The following SREK1 variants were observed in gnomAD, a reference collection of about 807,000 sequenced individuals.
SREK1 encodes the protein splicing regulatory glutamic acid and lysine rich protein 1.
In SREK1, 13 loss-of-function variants were observed where a neutral mutation model predicts 66.5. The ratio of observed to expected loss-of-function variants is 0.20; its 90% confidence interval spans 0.13 to 0.31. SREK1 has a LOEUF of 0.31. Among genes scored for constraint, SREK1 ranks in the 10% least tolerant of loss-of-function variants. The probability of loss-of-function intolerance (pLI) is 1.00; values close to 1 mark genes in which losing one functional copy is unlikely to be tolerated. For missense variants in SREK1, 607 were observed against 769.6 expected (o/e 0.79, Z 2.50); for synonymous variants, 265 against 263.5 (o/e 1.01, Z -0.05).
At chr5:66,178,556 G>T (rs770290207) in intron 11 of SREK1, among the ~76,000 whole-genome samples, 163 bp from the exon 12 acceptor site, 1 of 152,022 alleles carries the variant, frequency 6.6e-6, no homozygotes, top group Non-Finnish European at 1.5e-5. Context: ...AACACAAAGG[G>T]GAAATTGATA....
At chr5:66,168,011 C>T (rs1342554521) in intron 7 of SREK1, 6 of 151,868 alleles carry the variant, frequency 4.0e-5, no homozygotes, top group Non-Finnish European at 8.8e-5. Flanking sequence ...ATAAAGATTT[C>T]AGCAAGCTAT....
intron 1 of SREK1, among the ~76,000 whole-genome samples, chr5:66,147,226 T>A (rs547210589): frequency 6.6e-6 from 1 of 152,330 alleles, no homozygotes; most frequent in South Asian, 2.1e-4. Flanking sequence ...TAAGAATTCT[T>A]ATTTGTAGTT....
intron 1 of SREK1, among the ~76,000 whole-genome samples, chr5:66,147,789 C>T (rs910130028): frequency 9.9e-5 from 15 of 152,070 alleles, no homozygotes; most frequent in Non-Finnish European, 1.2e-4. Flanking sequence ...TTTTCACATG[C>T]GTTAATAAAT....
intron 7 of SREK1, chr5:66,167,352 T>C (rs1449903946): frequency 6.6e-6 from 1 of 152,218 alleles, no homozygotes; most frequent in Admixed American, 6.5e-5. Flanking sequence ...GTAACCTTTA[T>C]AGATTAGAAC....
intron 6 of SREK1, chr5:66,164,195 C>A: frequency 2.9e-6 from 1 of 343,406 alleles, no homozygotes; most frequent in South Asian, 4.2e-5. Flanking sequence ...TTGCTGAAAG[C>A]AAAAATGTTA....
rs557709888 is a variant in SREK1, at chr5:66,179,068, T to C, written c.*200T>C. ...ATGGACATCATGAAAATAACAGATG[T>C]TACCCAAACTCATCTTCTAAAATCT... On this transcript the variant is annotated 3_prime_UTR_variant, in exon 12 of 12. Coordinates refer to ENST00000334121, the MANE Select transcript of SREK1 (RefSeq NM_001077199.3). The C allele has an allele frequency of 3.0e-4, 135 of 451,474 alleles. 1 individual carries two copies. The South Asian group carries it at 8.4e-3, about 28-fold the overall frequency. 28.0% of individuals were successfully genotyped at this position (451,474 alleles called of 1,614,324 possible).
At chr5:66,144,916 C>T (rs1040059065) in intron 1 of SREK1, 22 of 996,040 alleles carry the variant, frequency 2.2e-5, no homozygotes, top group Non-Finnish European at 2.4e-5. Flanking sequence ...TTTTTCCACT[C>T]TGAAAATCGC....
At chr5:66,156,203 G>A in intron 2 of SREK1, 1 of 1,277,904 alleles carries the variant, frequency 7.8e-7, no homozygotes, top group Non-Finnish European at 9.9e-7. Flanking sequence ...TGGACGCCCT[G>A]TCTCTGTTTT....
In SREK1 at chr5:66,171,879, CAGGCCTGGGAGAAGATT is replaced by C. The variant is rs200417906; in HGVS notation, c.1484+934_1484+950del. On this transcript the variant is annotated intron_variant, in intron 9 of 11. Coordinates refer to ENST00000334121, the MANE Select transcript of SREK1 (RefSeq NM_001077199.3). ...GTCTCACCTTATTTAATCCTCACAA[CAGGCCTGGGAGAAGATT>C]ATTATCATCACTGTTTTAAAACATG... 4.2e-3 allele frequency among the ~76,000 whole-genome samples: 634 copies of C among 152,270 alleles called. 4 individuals are homozygous for C. Among genetic ancestry groups the C allele is most frequent in the African/African-American group, 0.015 (618 of 41,548 alleles).
In SREK1 at chr5:66,180,746, G is replaced by C. The variant is rs77120402; in HGVS notation, c.*1878G>C. On this transcript the variant is annotated 3_prime_UTR_variant, in exon 12 of 12. Transcript: ENST00000334121. ...CTTATTCTGATACAAGAATGCTTGGGTGCATATGGAAAGATTGTGAAAGAG... is the reference window on the plus strand; with the variant it reads ...CTTATTCTGATACAAGAATGCTTGGCTGCATATGGAAAGATTGTGAAAGAG... The C allele has an allele frequency of 1.3e-5, 2 of 152,548 alleles. No homozygotes were observed. The highest frequency in any genetic ancestry group is 2.9e-5 in the Non-Finnish European group (2 of 68,024). The allele number at this position is 152,548 out of a possible 1,614,324, so 9.4% of individuals were successfully genotyped here.
intron 3 of SREK1, among the ~76,000 whole-genome samples, chr5:66,160,062 G>A (rs549081646): frequency 6.6e-6 from 1 of 152,124 alleles, no homozygotes; most frequent in Non-Finnish European, 1.5e-5. Context: ...CCTGGGAGGC[G>A]GAGCTTGCAG....
rs938351911 is a variant in SREK1 at position 66,180,373 on chromosome 5, C to G, written c.*1505C>G. 4.6e-5 allele frequency: 7 copies of G among 152,516 alleles called. No homozygotes were observed. Among genetic ancestry groups the G allele is most frequent in the African/African-American group, 1.7e-4 (7 of 41,418 alleles). The allele number at this position is 152,516 out of a possible 1,614,324, so 9.4% of individuals were successfully genotyped here. On this transcript the variant is annotated 3_prime_UTR_variant, in exon 12 of 12. Transcript: ENST00000334121. ...TTATTTTAATGCAATCTAATACAAT[C>G]AGATTACTCAGTTGCCTTACCTCAT...
chr5:66,165,186 A>G (rs1745071978), intron 7 of SREK1: 1 of 216,094 alleles, frequency 4.6e-6, no homozygotes, highest in Non-Finnish European at 9.2e-6. Flanking sequence ...TAGTCTTTAT[A>G]TAGAAGTGAC....
rs1186975003 is a variant in SREK1, at chr5:66,179,293, G to C, written c.*425G>C. On this transcript the variant is annotated 3_prime_UTR_variant, in exon 12 of 12. Coordinates refer to ENST00000334121, the MANE Select transcript of SREK1 (RefSeq NM_001077199.3). Reference sequence around the variant, plus strand: ...TTTTTTTTTTATTTCAATATATACAGTTTGATGATGTGCTTGAAATTGGTG... The same window carrying C: ...TTTTTTTTTTATTTCAATATATACACTTTGATGATGTGCTTGAAATTGGTG... The C allele has an allele frequency of 1.3e-5, 2 of 152,896 alleles. No homozygotes were observed. Among genetic ancestry groups the C allele is most frequent in the Non-Finnish European group, 2.9e-5 (2 of 68,340 alleles). 9.5% of individuals were successfully genotyped at this position (152,896 alleles called of 1,614,324 possible). A position where few individuals can be genotyped will look rare whatever the true frequency, so the allele number is the denominator to read the frequency against.
intron 1 of SREK1, among the ~76,000 whole-genome samples, chr5:66,150,585 G>A (rs1320014260): frequency 6.6e-6 from 1 of 152,184 alleles, no homozygotes; most frequent in Non-Finnish European, 1.5e-5. Context: ...TTTGGTGGAA[G>A]ACCATTAATA....
intron 3 of SREK1, 62 bp from the exon 4 acceptor site, chr5:66,162,047 T>C: frequency 6.5e-7 from 1 of 1,544,084 alleles, no homozygotes; most frequent in East Asian, 2.3e-5. Context: ...GATTAGAGAA[T>C]GGTATCTTTG....
intron 2 of SREK1, chr5:66,157,716 A>C: frequency 1.1e-6 from 1 of 949,170 alleles, no homozygotes; most frequent in South Asian, 4.9e-5. Context: ...TGAAATAATA[A>C]AGATAACTTT....
At chr5:66,154,327 C>T (rs1209280472) in intron 2 of SREK1, among the ~76,000 whole-genome samples, 1 of 152,198 alleles carries the variant, frequency 6.6e-6, no homozygotes, top group Non-Finnish European at 1.5e-5. Flanking sequence ...CAGAGCCACT[C>T]ACGTATAATA....
At position 66,178,875 on chromosome 5, in the gene SREK1, C is replaced by CA; in HGVS notation, c.*9dup. On this transcript the variant is annotated 3_prime_UTR_variant, in exon 12 of 12. Coordinates refer to ENST00000334121, the MANE Select transcript of SREK1 (RefSeq NM_001077199.3). ...CAAAACAGAAGCAGTATAGGACCGA[C>CA]AAGTGTACCTCTGCACTCAATGCTG... 6.2e-7 allele frequency: 1 copy of CA among 1,604,766 alleles called. No homozygotes were observed. Among genetic ancestry groups the CA allele is most frequent in the South Asian group, 1.1e-5 (1 of 89,784 alleles).
Sources: gnomAD v4.1 joint callset for allele counts (sites outside exome capture counted in the v4.1 genomes callset) on GRCh38, gnomAD v4.1.1 for gene constraint, MANE v1.5 for transcripts, NCBI Gene and HGNC (gene_info 2026-07-23, HGNC 2026-07-21) for gene names.